Variants in ANXA2 observed in about 807,000 individuals in gnomAD.
The protein encoded by ANXA2 is annexin II.
Under a neutral mutation model 47.3 loss-of-function variants are expected in ANXA2, and 28 were observed. That is an observed-to-expected ratio of 0.59 (90% CI 0.44 to 0.81). ANXA2 has a LOEUF of 0.81. Ranked by LOEUF, ANXA2 falls within the 40% of genes least tolerant of loss-of-function variation. The pLI is 0.00. For synonymous variants in ANXA2, 172 were observed against 155.5 expected (o/e 1.11, Z -0.79); for missense variants, 384 against 414.3 (o/e 0.93, Z 0.64).
At chr15:60,391,897 GAAAA>G (rs10552250) in intron 1 of ANXA2, among the ~76,000 whole-genome samples, 2,607 of 148,072 alleles carry the variant, frequency 0.018, 63 homozygotes, top group African/African-American at 0.047. Context: ...TCTCCAACAA[GAAAA>G]AAAAAAAAAA....
chr15:60,351,479 G>T, intron 10 of ANXA2: 1 of 616,764 alleles, frequency 1.6e-6, no homozygotes, highest in Non-Finnish European at 2.9e-6. Flanking sequence ...AAGTGCATAC[G>T]TGAGTTTCCA....
chr15:60,356,167 G>T, intron 6 of ANXA2, among the ~76,000 whole-genome samples, 169 bp from the exon 7 acceptor site: 1 of 152,126 alleles, frequency 6.6e-6, no homozygotes, highest in East Asian at 1.9e-4. Context: ...AATGATTTTC[G>T]CCCTCATGAA....
At chr15:60,367,129 GC>G (rs2062630303) in intron 3 of ANXA2, among the ~76,000 whole-genome samples, 1 of 75,752 alleles carries the variant, frequency 1.3e-5, no homozygotes, top group Non-Finnish European at 2.6e-5. Context: ...GGGGGGGTCA[GC>G]CCCCCGCCCG....
chr15:60,375,526 A>G (rs1241893032), intron 3 of ANXA2, among the ~76,000 whole-genome samples: 2 of 152,206 alleles, frequency 1.3e-5, no homozygotes, highest in African/African-American at 2.4e-5. Flanking sequence ...CATCGTATAT[A>G]TTTAACCCAA....
At chr15:60,351,667 T>C in intron 10 of ANXA2, 57 bp downstream of exon 10, 1 of 1,132,808 alleles carries the variant, frequency 8.8e-7, no homozygotes, top group Non-Finnish European at 1.3e-6. Context: ...GATGGCCATC[T>C]GTCACTTCTG....
chr15:60,354,114 C>A (rs760050836), intron 8 of ANXA2, 40 bp downstream of exon 8: 1 of 1,580,124 alleles, frequency 6.3e-7, no homozygotes, highest in Admixed American at 1.7e-5. Flanking sequence ...CAGAGACTTA[C>A]CAGAAAACAA....
At position 60,397,927 on chromosome 15, in the gene ANXA2, G is replaced by A; in HGVS notation, c.-12+16C>T. 2 of 1,324,720 alleles carry A rather than the reference G, an allele frequency of 1.5e-6. No homozygotes were observed. Among genetic ancestry groups the A allele is most frequent in the Admixed American group, 3.7e-5 (1 of 26,790 alleles). The allele number at this position is 1,324,720 out of a possible 1,614,324, so 82.1% of individuals were successfully genotyped here. ...CTGGCGGCCCATCGCGGGCGGGCAG[G>A]GCGCGCCCCGCTTACCTGGGCCGTG... On this transcript the variant is annotated intron_variant, in intron 1 of 12. Transcript: ENST00000451270.
intron 11 of ANXA2, among the ~76,000 whole-genome samples, chr15:60,349,858 G>GA (rs1412418978): frequency 2.3e-4 from 28 of 122,066 alleles, no homozygotes; most frequent in Admixed American, 7.1e-4. Flanking sequence ...GGAGGTGAAG[G>GA]CAGGGAGGCA....
At chr15:60,384,511 A>G (rs1290989957) in intron 2 of ANXA2, 1 of 152,214 alleles carries the variant, frequency 6.6e-6, no homozygotes, top group Non-Finnish European at 1.5e-5. Flanking sequence ...CTCTCCACAC[A>G]TAAGAAATAT....
At position 60,352,261 on chromosome 15, in the gene ANXA2, C is replaced by CT. The variant is rs2062361387; in HGVS notation, c.682+121dup. ...GAAAGGTGAGGGAAAATGGGTGAGC[C>CT]TATGAGAGTGCCAAGCGGAGACAGA... On this transcript the variant is annotated intron_variant, in intron 9 of 12. Coordinates refer to ENST00000451270, the MANE Select transcript of ANXA2 (RefSeq NM_004039.3). The surrounding 1 kb of genome is among the most constrained non-coding windows in gnomAD (Gnocchi z 4.2). 1.6e-6 allele frequency: 1 copy of CT among 643,724 alleles called. No homozygotes were observed. Among genetic ancestry groups the CT allele is most frequent in the Non-Finnish European group, 2.7e-6 (1 of 364,254 alleles). The allele number at this position is 643,724 out of a possible 1,614,324, so 39.9% of individuals were successfully genotyped here.
intron 4 of ANXA2, among the ~76,000 whole-genome samples, chr15:60,361,646 G>A (rs888394161): frequency 2.6e-5 from 4 of 152,104 alleles, no homozygotes; most frequent in Non-Finnish European, 4.4e-5. Flanking sequence ...CACCAAACTC[G>A]GACGGTGTTT....
intron 3 of ANXA2, among the ~76,000 whole-genome samples, chr15:60,377,913 C>A (rs1019459248): frequency 1.9e-4 from 29 of 152,088 alleles, no homozygotes; most frequent in South Asian, 1.2e-3. Flanking sequence ...CATGGTTAAA[C>A]CCTGTCTCTA....
At chr15:60,396,574 T>C (rs191319944) in intron 1 of ANXA2, 2 of 152,374 alleles carry the variant, frequency 1.3e-5, no homozygotes, top group East Asian at 3.9e-4. Context: ...ACACACACAT[T>C]GCCCCTCACT....
chr15:60,388,352 G>C (rs2062960743), intron 1 of ANXA2, among the ~76,000 whole-genome samples: 1 of 152,038 alleles, frequency 6.6e-6, no homozygotes, highest in African/African-American at 2.4e-5. Context: ...GACATAGTAT[G>C]AAAAAATTAT....
At chr15:60,372,113 C>A (rs751253122) in intron 3 of ANXA2, among the ~76,000 whole-genome samples, 1 of 152,180 alleles carries the variant, frequency 6.6e-6, no homozygotes, top group African/African-American at 2.4e-5. Context: ...TGAGCCATTG[C>A]ACTCCAGCCT....
At chr15:60,385,922 G>T in intron 2 of ANXA2, 106 bp downstream of exon 2, 1 of 696,044 alleles carries the variant, frequency 1.4e-6, no homozygotes, top group Non-Finnish European at 2.4e-6. Context: ...ATGACTGTCT[G>T]AATTGTCCCC....
chr15:60,348,842 T>C (rs1021615641), intron 12 of ANXA2, among the ~76,000 whole-genome samples: 5 of 151,952 alleles, frequency 3.3e-5, no homozygotes, highest in African/African-American at 7.3e-5. Flanking sequence ...CCGATGATCA[T>C]TGTAGAGTAA....
chr15:60,389,823 C>T (rs1300625271), intron 1 of ANXA2, among the ~76,000 whole-genome samples: 3 of 152,202 alleles, frequency 2.0e-5, no homozygotes, highest in Non-Finnish European at 4.4e-5. Flanking sequence ...CCTCTCCGCA[C>T]TCACCACTAC....
intron 12 of ANXA2, among the ~76,000 whole-genome samples, chr15:60,347,893 G>A (rs1290727914): frequency 6.6e-6 from 1 of 152,220 alleles, no homozygotes; most frequent in Non-Finnish European, 1.5e-5. Flanking sequence ...GTCGGAGGAG[G>A]TGCTGGGGAA....
Sources: allele counts gnomAD v4.1 joint callset (sites outside exome capture counted in the v4.1 genomes callset), GRCh38; gene constraint gnomAD v4.1.1; non-coding constraint Gnocchi (gnomAD v3.1); transcripts MANE v1.5; gene names NCBI Gene and HGNC (gene_info 2026-07-23, HGNC 2026-07-21).